The following TRDN variants were observed in gnomAD, a reference collection of about 807,000 sequenced individuals.
The protein encoded by TRDN is triadin.
Under a neutral mutation model 149.7 loss-of-function variants are expected in TRDN, and 161 were observed. The observed-to-expected ratio is 1.08, with a 90% CI of 0.95 to 1.23. The LOEUF is 1.23. Ranked by LOEUF, TRDN falls within the 50% of genes most tolerant of loss-of-function variation. TRDN has a pLI of 0.00. For synonymous variants in TRDN, 294 were observed against 250.5 expected, an observed-to-expected ratio of 1.17 and a Z score of -1.64; for missense variants, 896 against 823.5, an observed-to-expected ratio of 1.09 and a Z score of -1.08.
chr6:123,239,896 G>A (rs1775922849), intron 38 of TRDN, among the ~76,000 whole-genome samples: 2 of 151,962 alleles, frequency 1.3e-5, no homozygotes, highest in South Asian at 2.1e-4. Context: ...TCCATCAAGA[G>A]TAGAACTGAT....
At chr6:123,635,605 ACTT>A in intron 1 of TRDN, among the ~76,000 whole-genome samples, 1 of 151,980 alleles carries the variant, frequency 6.6e-6, no homozygotes, top group East Asian at 1.9e-4. Flanking sequence ...CAAATAAGGC[ACTT>A]CTTATAAATA....
chr6:123,605,915 A>G (rs889556645), intron 1 of TRDN, among the ~76,000 whole-genome samples: 3 of 152,224 alleles, frequency 2.0e-5, no homozygotes, highest in African/African-American at 7.2e-5. Context: ...AAAATTTTCA[A>G]GTTTAAGTTT....
At chr6:123,396,786 T>C (rs1171741050) in intron 12 of TRDN, among the ~76,000 whole-genome samples, 7 of 152,230 alleles carry the variant, frequency 4.6e-5, no homozygotes, top group Non-Finnish European at 1.0e-4. Flanking sequence ...GAGCCAATTT[T>C]TGCACAGAGA....
intron 3 of TRDN, among the ~76,000 whole-genome samples, chr6:123,547,775 C>A (rs540163256): frequency 2.9e-4 from 44 of 152,130 alleles, no homozygotes; most frequent in African/African-American, 1.0e-3. Flanking sequence ...ATGACTAAGA[C>A]TGACCCTAAA....
At chr6:123,558,454 G>T (rs1781798627) in intron 2 of TRDN, among the ~76,000 whole-genome samples, 1 of 152,022 alleles carries the variant, frequency 6.6e-6, no homozygotes, top group South Asian at 2.1e-4. Context: ...TAAAAAGGTG[G>T]CTGGAGCTAA....
intron 38 of TRDN, among the ~76,000 whole-genome samples, chr6:123,225,963 T>A (rs897659285): frequency 6.6e-6 from 1 of 151,848 alleles, no homozygotes; most frequent in Admixed American, 6.6e-5. Context: ...AACTGTTCAC[T>A]AATAAATGAA....
At chr6:123,420,294 T>C (rs1195306724) in intron 12 of TRDN, among the ~76,000 whole-genome samples, 4 of 152,180 alleles carry the variant, frequency 2.6e-5, no homozygotes, top group South Asian at 4.1e-4. Flanking sequence ...TCCTCTGACA[T>C]GCACTAGTGG....
At chr6:123,558,035 C>T (rs980555594) in intron 2 of TRDN, among the ~76,000 whole-genome samples, 1 of 152,136 alleles carries the variant, frequency 6.6e-6, no homozygotes, top group Non-Finnish European at 1.5e-5. Flanking sequence ...GAAAACAGCA[C>T]TTTCGACTTT....
chr6:123,475,739 C>T (rs1410366477), intron 9 of TRDN, among the ~76,000 whole-genome samples: 2 of 134,136 alleles, frequency 1.5e-5, no homozygotes, highest in Admixed American at 7.6e-5. Context: ...CCCTGGGATG[C>T]AAGGCTGGTT....
chr6:123,580,237 G>C lies in TRDN; in HGVS notation c.23-9105C>G, dbSNP rs139553024. On this transcript the variant is annotated intron_variant, in intron 1 of 40. Coordinates refer to ENST00000334268, the MANE Select transcript of TRDN (RefSeq NM_006073.4). ...TGACTTTACATTTTCAATTTAGCAGGTCCTCACCATTCAGAACACTATTTT... is the reference window on the plus strand; with the variant it reads ...TGACTTTACATTTTCAATTTAGCAGCTCCTCACCATTCAGAACACTATTTT... Among the ~76,000 whole-genome samples, 66 of 152,074 alleles carry C rather than the reference G, an allele frequency of 4.3e-4. No homozygotes were observed. In the East Asian group the frequency reaches 0.012, roughly 28 times the overall value.
chr6:123,500,494 G>A (rs908932960), intron 8 of TRDN, among the ~76,000 whole-genome samples: 21 of 152,056 alleles, frequency 1.4e-4, no homozygotes, highest in Non-Finnish European at 2.9e-5. Context: ...AAATATTATA[G>A]CAGAAAATTT....
chr6:123,457,703 C>T (rs555878086), intron 10 of TRDN: 1 of 301,238 alleles, frequency 3.3e-6, no homozygotes, highest in Admixed American at 4.1e-5. Context: ...CTGAAAGATA[C>T]CTATGTTACC....
chr6:123,551,342 T>TACACACACAC (rs10638140), intron 2 of TRDN, among the ~76,000 whole-genome samples: 137 of 141,182 alleles, frequency 9.7e-4, no homozygotes, highest in African/African-American at 1.9e-3. Context: ...AAAACCTAAA[T>TACACACACAC]ACACACACAC....
chr6:123,477,854 A>C (rs1777565377), intron 9 of TRDN, among the ~76,000 whole-genome samples: 1 of 150,754 alleles, frequency 6.6e-6, no homozygotes, highest in Non-Finnish European at 1.5e-5. Context: ...GTGGGAATTG[A>C]ACGATGAGAT....
At chr6:123,551,563 A>T (rs907842772) in intron 2 of TRDN, among the ~76,000 whole-genome samples, 6 of 152,066 alleles carry the variant, frequency 3.9e-5, no homozygotes, top group Non-Finnish European at 8.8e-5. Flanking sequence ...CCTAAGTTTA[A>T]TTATATACAT....
At chr6:123,496,618 A>G (rs1473562209) in intron 9 of TRDN, among the ~76,000 whole-genome samples, 2 of 152,082 alleles carry the variant, frequency 1.3e-5, no homozygotes, top group African/African-American at 2.4e-5. Flanking sequence ...CTGGGCAACA[A>G]TTAAAGATAC....
chr6:123,282,978 A>T (rs969294298), intron 24 of TRDN, among the ~76,000 whole-genome samples: 1 of 151,944 alleles, frequency 6.6e-6, no homozygotes, highest in Non-Finnish European at 1.5e-5. Flanking sequence ...TAAGAGCAGT[A>T]GGACATTATA....
At chr6:123,630,557 G>A (rs527778450) in intron 1 of TRDN, among the ~76,000 whole-genome samples, 73 of 151,648 alleles carry the variant, frequency 4.8e-4, no homozygotes, top group African/African-American at 1.7e-3. Context: ...AAAGTAGCAT[G>A]AATTTTAAAT....
intron 1 of TRDN, among the ~76,000 whole-genome samples, chr6:123,609,684 G>A (rs1017372041): frequency 2.0e-5 from 3 of 152,082 alleles, no homozygotes; most frequent in South Asian, 4.1e-4. Flanking sequence ...CTTCACTCAC[G>A]TATCTCCTCT....
Sources: gnomAD v4.1 joint callset for allele counts (sites outside exome capture counted in the v4.1 genomes callset) on GRCh38, gnomAD v4.1.1 for gene constraint, MANE v1.5 for transcripts, NCBI Gene and HGNC (gene_info 2026-07-23, HGNC 2026-07-21) for gene names.